The following METTL15 variants were observed in gnomAD, a reference collection of about 807,000 sequenced individuals.
METTL15 encodes methyltransferase 15, mitochondrial 12S rRNA N4-cytidine.
A neutral mutation model predicts 38.3 loss-of-function variants in METTL15; 34 were observed. The ratio of observed to expected loss-of-function variants is 0.89; its 90% confidence interval spans 0.68 to 1.18. The LOEUF (loss-of-function observed/expected upper bound fraction) is 1.18, where lower values mean the gene tolerates loss of function less well. Ranked by LOEUF, METTL15 falls within the 50% of genes most tolerant of loss-of-function variation. The probability of loss-of-function intolerance (pLI) is 0.00; values close to 1 mark genes in which losing one functional copy is unlikely to be tolerated. For missense variants in METTL15, 438 were observed against 498.4 expected (o/e 0.88, Z 1.15); for synonymous variants, 162 against 170.9 (o/e 0.95, Z 0.41).
intron 6 of METTL15, among the ~76,000 whole-genome samples, chr11:28,454,151 C>A (rs745938642): frequency 2.0e-5 from 3 of 152,136 alleles, no homozygotes; most frequent in South Asian, 2.1e-4. Flanking sequence ...GAGCCAGGGA[C>A]CCCTGATCAG....
At chr11:28,205,980 T>G (rs11030241) in intron 3 of METTL15, among the ~76,000 whole-genome samples, 33,186 of 121,212 alleles carry the variant, frequency 0.27, 4,100 homozygotes, top group African/African-American at 0.45. Context: ...TAAATTTGTT[T>G]GAGTTCATTG....
intron 6 of METTL15, among the ~76,000 whole-genome samples, chr11:28,310,965 G>GGGGTGTGT (rs1857274780): frequency 1.3e-5 from 1 of 77,484 alleles, no homozygotes; most frequent in African/African-American, 6.1e-5. Flanking sequence ...GGTGGTGGTG[G>GGGGTGTGT]GTGTGTGTGT....
intron 5 of METTL15, among the ~76,000 whole-genome samples, chr11:28,375,564 T>G (rs1396350565): frequency 1.3e-5 from 2 of 152,166 alleles, no homozygotes; most frequent in Admixed American, 1.3e-4. Context: ...TCTTTTTTTC[T>G]TTATTAGTCT....
intron 4 of METTL15, among the ~76,000 whole-genome samples, chr11:28,227,559 G>T (rs1853531480): frequency 6.6e-6 from 1 of 151,810 alleles, no homozygotes; most frequent in Non-Finnish European, 1.5e-5. Context: ...AATGAGAATG[G>T]CATATTGAAA....
intron 3 of METTL15, among the ~76,000 whole-genome samples, chr11:28,169,249 A>G (rs777492198): frequency 3.9e-5 from 6 of 152,196 alleles, no homozygotes; most frequent in Non-Finnish European, 8.8e-5. Flanking sequence ...AGATAGGGTT[A>G]TTAGTGGACA....
intron 3 of METTL15, among the ~76,000 whole-genome samples, chr11:28,151,006 CAAA>C (rs34906623): frequency 1.2e-5 from 1 of 84,528 alleles, no homozygotes. Flanking sequence ...CAACAGTGAC[CAAA>C]AAAAAAAAAA....
At chr11:28,370,147 T>C (rs1475223695) in intron 5 of METTL15, among the ~76,000 whole-genome samples, 1 of 152,202 alleles carries the variant, frequency 6.6e-6, no homozygotes, top group Non-Finnish European at 1.5e-5. Flanking sequence ...TACTGATCTA[T>C]CAAACAGTAG....
intron 6 of METTL15, among the ~76,000 whole-genome samples, chr11:28,522,676 A>G (rs1851773940): frequency 6.6e-6 from 1 of 152,224 alleles, no homozygotes; most frequent in Non-Finnish European, 1.5e-5. Context: ...AAGGAGCCTC[A>G]GGAACCAACA....
chr11:28,139,545 C>T (rs2133655746), intron 3 of METTL15, among the ~76,000 whole-genome samples: 1 of 152,220 alleles, frequency 6.6e-6, no homozygotes, highest in Non-Finnish European at 1.5e-5. Context: ...GCTGCCTTTC[C>T]TCTGCTGTCA....
rs1849802953 is a variant in METTL15 at position 28,331,050 on chromosome 11, A to G, written c.*209A>G. Reference sequence around the variant, plus strand: ...GGGAGCAGCAGCACCTCCAGACTGGAAAAATATGTTAATCTTTGCATCATA... The same window carrying G: ...GGGAGCAGCAGCACCTCCAGACTGGGAAAATATGTTAATCTTTGCATCATA... On this transcript the variant is annotated 3_prime_UTR_variant, in exon 7 of 7. Coordinates refer to ENST00000407364, the MANE Select transcript of METTL15 (RefSeq NM_001113528.2). 5.1e-6 allele frequency: 2 copies of G among 392,706 alleles called. No homozygotes were observed. Among genetic ancestry groups the G allele is most frequent in the Admixed American group, 9.5e-5 (2 of 21,116 alleles). 24.3% of individuals were successfully genotyped at this position (392,706 alleles called of 1,614,324 possible).
At chr11:28,460,858 C>T (rs1430213754) in intron 6 of METTL15, among the ~76,000 whole-genome samples, 2 of 151,930 alleles carry the variant, frequency 1.3e-5, no homozygotes, top group Non-Finnish European at 2.9e-5. Context: ...GGAGGATCCT[C>T]TAAAGTAGGA....
Position 28,397,171 on chromosome 11 carries a change from A to G in METTL15, c.*359-27128A>G, listed in dbSNP as rs568630239. Among the ~76,000 whole-genome samples, 3 of 152,286 alleles carry G rather than the reference A, an allele frequency of 2.0e-5. No individual in the cohort carries two copies. In the South Asian group the frequency reaches 6.2e-4, roughly 32 times the overall value. On this transcript the variant is annotated intron_variant and NMD_transcript_variant, in intron 5 of 7. Transcript: ENST00000532947. ...AAACCTAGGCAATACCATTCAGGAC[A>G]TAGGCATGGGCAAGGACTTCATGTC...
At chr11:28,428,851 T>C (rs1200380218) in intron 6 of METTL15, among the ~76,000 whole-genome samples, 1 of 152,216 alleles carries the variant, frequency 6.6e-6, no homozygotes. Context: ...AGCCTGCATC[T>C]GTCACTGGCA....
chr11:28,447,526 T>C (rs549226602), intron 6 of METTL15, among the ~76,000 whole-genome samples: 82 of 152,236 alleles, frequency 5.4e-4, no homozygotes, highest in African/African-American at 1.6e-3. Flanking sequence ...CCTTTTTTTT[T>C]CCCACAGTTT....
At chr11:28,164,556 C>A (rs958118179) in intron 3 of METTL15, among the ~76,000 whole-genome samples, 4 of 151,662 alleles carry the variant, frequency 2.6e-5, no homozygotes, top group African/African-American at 9.7e-5. Flanking sequence ...TCTAATTGAC[C>A]AATTATAATA....
intron 6 of METTL15, among the ~76,000 whole-genome samples, chr11:28,491,199 CAT>C: frequency 6.6e-6 from 1 of 152,222 alleles, no homozygotes; most frequent in East Asian, 1.9e-4. Context: ...TTACCAAGGA[CAT>C]AGAGTGGAAG....
At chr11:28,375,902 T>C (rs1368578397) in intron 5 of METTL15, among the ~76,000 whole-genome samples, 3 of 152,020 alleles carry the variant, frequency 2.0e-5, no homozygotes, top group Non-Finnish European at 4.4e-5. Context: ...ACATCTTTAT[T>C]TCTGCCTTCA....
At chr11:28,527,377 G>A (rs953695617), downstream of METTL15, among the ~76,000 whole-genome samples, 11 of 152,122 alleles carry the variant, frequency 7.2e-5, no homozygotes, top group African/African-American at 2.4e-4. Context: ...GCTTTTCTGA[G>A]TTTGTTAGCT....
chr11:28,194,825 G>T (rs922183427), intron 3 of METTL15, among the ~76,000 whole-genome samples: 2 of 147,290 alleles, frequency 1.4e-5, no homozygotes, highest in African/African-American at 5.0e-5. Flanking sequence ...GCCCCAATAG[G>T]TTTTTTTTTT....
Sources: allele counts gnomAD v4.1 joint callset (sites outside exome capture counted in the v4.1 genomes callset), GRCh38; gene constraint gnomAD v4.1.1; transcripts MANE v1.5; gene names NCBI Gene and HGNC (gene_info 2026-07-23, HGNC 2026-07-21).